Variants in ST3GAL4 observed in about 807,000 individuals in gnomAD.
The protein encoded by ST3GAL4 is CMP-N-acetylneuraminate-beta-galactosamide-alpha-2,3-sialyltransferase 4.
Under a neutral mutation model 42.6 loss-of-function variants are expected in ST3GAL4, and 24 were observed. The observed-to-expected ratio is 0.56, with a 90% confidence interval of 0.41 to 0.79. The LOEUF is 0.79. ST3GAL4 is among the 30% of genes least tolerant of loss of function. ST3GAL4 has a pLI of 0.00. For synonymous variants in ST3GAL4, 135 were observed against 163.2 expected (o/e 0.83, Z 1.32); for missense variants, 311 against 430.8 (o/e 0.72, Z 2.46).
At position 126,408,553 on chromosome 11, in the gene ST3GAL4, C is replaced by A. The variant is rs919644274; in HGVS notation, c.627+57C>A. 8.8e-6 allele frequency: 14 copies of A among 1,583,408 alleles called. No homozygotes were observed. The African/African-American group carries it at 1.7e-4, about 20-fold the overall frequency. The stretch of plus-strand genomic sequence containing the variant: ...CTGGCGGTGGGGACGCTGCCCGAGT[C>A]AGGACCTCACGCTCCTTGATGTCCG... On this transcript the variant is annotated intron_variant, in intron 8 of 10. Coordinates refer to ENST00000444328, the MANE Select transcript of ST3GAL4 (RefSeq NM_001254757.2).
intron 1 of ST3GAL4, among the ~76,000 whole-genome samples, chr11:126,367,215 G>A (rs1952462676): frequency 6.6e-6 from 1 of 152,152 alleles, no homozygotes; most frequent in Non-Finnish European, 1.5e-5. Context: ...CAGACAGACA[G>A]ATGGAAAGCC....
intron 9 of ST3GAL4, 177 bp from the exon 10 acceptor site, chr11:126,413,328 A>C: frequency 1.7e-6 from 1 of 578,506 alleles, no homozygotes; most frequent in Non-Finnish European, 2.9e-6. Context: ...AAATAAATTC[A>C]GTTCCTCAGC....
intron 1 of ST3GAL4, among the ~76,000 whole-genome samples, chr11:126,395,488 CCTGGTGAGG>C (rs2135499536): frequency 6.6e-6 from 1 of 152,196 alleles, no homozygotes; most frequent in Non-Finnish European, 1.5e-5. Flanking sequence ...GCCCCCTAGA[CCTGGTGAGG>C]CTGGTGTGGG....
intron 1 of ST3GAL4, among the ~76,000 whole-genome samples, chr11:126,402,749 C>T (rs1954061447): frequency 6.6e-6 from 1 of 152,238 alleles, no homozygotes; most frequent in South Asian, 2.1e-4. Context: ...GGCATGGTTT[C>T]TGCCTCCACT....
chr11:126,368,150 A>C lies in ST3GAL4; in HGVS notation c.-61+12308A>C, dbSNP rs1385953835. Among the ~76,000 whole-genome samples the C allele has an allele frequency of 3.3e-5, 5 of 151,424 alleles. No individual in the cohort carries two copies. In the East Asian group the frequency reaches 7.8e-4, roughly 24 times the overall value. On this transcript the variant is annotated intron_variant, in intron 1 of 10. Transcript: ENST00000444328. ...CCACAGAGTGAGACTGTCTCACAAA[A>C]AAAAAAAAAAAGATTATGCACAGCA...
At chr11:126,407,208 A>T (rs1232852595) in intron 4 of ST3GAL4, 44 bp from the exon 5 acceptor site, 1 of 1,601,756 alleles carries the variant, frequency 6.2e-7, no homozygotes, top group Non-Finnish European at 8.6e-7. Flanking sequence ...TGGCATCAAG[A>T]TTAATTCTGT....
chr11:126,362,719 C>T (rs773078380), intron 1 of ST3GAL4, among the ~76,000 whole-genome samples: 11 of 152,130 alleles, frequency 7.2e-5, no homozygotes, highest in Admixed American at 3.3e-4. Flanking sequence ...TATGTGACCT[C>T]GGGCAGGTCT....
chr11:126,360,223 C>T (rs921717930), intron 1 of ST3GAL4, among the ~76,000 whole-genome samples: 2 of 152,160 alleles, frequency 1.3e-5, no homozygotes, highest in Non-Finnish European at 2.9e-5. Flanking sequence ...CCTGGGTTCC[C>T]ACTGGGTTCT....
rs1337307316 is a variant in ST3GAL4, at chr11:126,384,114, CTAATGGGAT to C, written c.-60-21980_-60-21972del. On this transcript the variant is annotated intron_variant, in intron 1 of 10. Coordinates refer to ENST00000444328, the MANE Select transcript of ST3GAL4 (RefSeq NM_001254757.2). The surrounding 1 kb of genome is among the most constrained non-coding windows in gnomAD (Gnocchi z 5.5). Reference sequence around the variant, plus strand: ...TTAACCCTGCTGGCTCCTAATGGGACTAATGGGATTTCAGGTGTGGACCCTTGGACCCTC... The same window carrying C: ...TTAACCCTGCTGGCTCCTAATGGGACTTCAGGTGTGGACCCTTGGACCCTC... Among the ~76,000 whole-genome samples, 1 of 152,212 alleles carries C rather than the reference CTAATGGGAT, an allele frequency of 6.6e-6. No individual in the cohort carries two copies.
chr11:126,360,449 G>A (rs1952207525), intron 1 of ST3GAL4, among the ~76,000 whole-genome samples: 1 of 152,206 alleles, frequency 6.6e-6, no homozygotes, highest in Non-Finnish European at 1.5e-5. Context: ...TTGAGACAGA[G>A]TTTTGCTCTT....
chr11:126,391,626 A>C lies in ST3GAL4; in HGVS notation c.-60-14470A>C, dbSNP rs1196542780. Among the ~76,000 whole-genome samples, 1 of 152,206 alleles carries C rather than the reference A, an allele frequency of 6.6e-6. No homozygotes were observed. The highest frequency in any genetic ancestry group is 6.5e-5 in the Admixed American group (1 of 15,280). ...CAGTGCAGGGCAGAGCCTGGGTGGCAGTGCCTCTCCTTGCCTCCCTGGCTG... is the reference window on the plus strand; with the variant it reads ...CAGTGCAGGGCAGAGCCTGGGTGGCCGTGCCTCTCCTTGCCTCCCTGGCTG... On this transcript the variant is annotated intron_variant, in intron 1 of 10. Transcript: ENST00000444328. The surrounding 1 kb of genome is among the most constrained non-coding windows in gnomAD (Gnocchi z 5.5).
At chr11:126,368,122 G>A (rs1168161485) in intron 1 of ST3GAL4, among the ~76,000 whole-genome samples, 2 of 150,698 alleles carry the variant, frequency 1.3e-5, no homozygotes, top group Admixed American at 6.6e-5. Context: ...ACTCCAGTCT[G>A]GACCACAGAG....
In ST3GAL4 at chr11:126,400,218, T is replaced by G. The variant is rs1168395152; in HGVS notation, c.-60-5878T>G. The stretch of plus-strand genomic sequence containing the variant: ...GGGAAGTCCAAGATCAAGGGGCTGC[T>G]CTGGCAAGGGCCTTCTTGCTGCATC... On this transcript the variant is annotated intron_variant, in intron 1 of 10. Coordinates refer to ENST00000444328, the MANE Select transcript of ST3GAL4 (RefSeq NM_001254757.2). The surrounding 1 kb of genome is among the most constrained non-coding windows in gnomAD (Gnocchi z 4.6). Among the ~76,000 whole-genome samples, 3 of 152,248 alleles carry G rather than the reference T, an allele frequency of 2.0e-5. No individual in the cohort carries two copies. The highest frequency in any genetic ancestry group is 2.0e-4 in the Admixed American group (3 of 15,282).
At chr11:126,375,907 A>G (rs1314449435) in intron 1 of ST3GAL4, among the ~76,000 whole-genome samples, 1 of 148,576 alleles carries the variant, frequency 6.7e-6, no homozygotes, top group East Asian at 1.9e-4. Flanking sequence ...GCTATGAGTA[A>G]GAGATCCTGG....
intron 1 of ST3GAL4, among the ~76,000 whole-genome samples, chr11:126,371,163 C>CTTATTTATTTTTTTTTTTTTTT (rs1555082244): frequency 1.7e-5 from 1 of 59,974 alleles, no homozygotes. Context: ...CCCCACATTC[C>CTTATTTATTTTTTTTTTTTTTT]TTTTTTTTTT....
intron 1 of ST3GAL4, among the ~76,000 whole-genome samples, chr11:126,394,144 G>A (rs930561244): frequency 6.6e-6 from 1 of 152,262 alleles, no homozygotes; most frequent in African/African-American, 2.4e-5. Flanking sequence ...CTGGAAGCAG[G>A]GGATTGGCTG....
intron 1 of ST3GAL4, among the ~76,000 whole-genome samples, chr11:126,385,967 C>T (rs184217254): frequency 2.4e-4 from 36 of 152,284 alleles, no homozygotes; most frequent in Middle Eastern, 3.4e-3. Flanking sequence ...TACCACGTGT[C>T]CCCGTGGCCT....
rs748655636 is a variant in ST3GAL4, at chr11:126,413,632, C to T, written c.899C>T (p.Thr300Met). 8.1e-6 allele frequency: 13 copies of T among 1,614,108 alleles called. No individual in the cohort carries two copies. The highest frequency in any genetic ancestry group is 4.0e-5 in the African/African-American group (3 of 74,952). Residue 300 changes from threonine (T) to methionine (M), a missense_variant, in exon 10 of 11, where the codon ACG becomes ATG. Coordinates refer to ENST00000444328, the MANE Select transcript of ST3GAL4 (RefSeq NM_001254757.2). Reference protein sequence around the residue: ...KQTIHYYEQITLKSMAGSGHN... With the variant: ...KQTIHYYEQIMLKSMAGSGHN... ...ACCATTCACTACTATGAGCAGATCA[C>T]GCTCAAGTCCATGGCGGTAAGTGCC...
Position 126,392,790 on chromosome 11 carries a change from C to T in ST3GAL4, c.-60-13306C>T, listed in dbSNP as rs1288759568. ...AAGTTAATAAAGCAGCATGATGTGA[C>T]AGAGCTGGATGTGGGGGAGTGAGGA... On this transcript the variant is annotated intron_variant, in intron 1 of 10. Transcript: ENST00000444328. The surrounding 1 kb of genome is among the most constrained non-coding windows in gnomAD (Gnocchi z 5.8). Among the ~76,000 whole-genome samples the T allele has an allele frequency of 6.6e-6, 1 of 152,064 alleles. No homozygotes were observed. The highest frequency in any genetic ancestry group is 1.5e-5 in the Non-Finnish European group (1 of 68,038).
Sources: gnomAD v4.1 joint callset for allele counts (sites outside exome capture counted in the v4.1 genomes callset) on GRCh38, gnomAD v4.1.1 for gene constraint, Gnocchi (gnomAD v3.1) non-coding constraint, MANE v1.5 for transcripts, NCBI Gene and HGNC (gene_info 2026-07-23, HGNC 2026-07-21) for gene names.